The following GRM7 variants were observed in gnomAD, a reference collection of about 807,000 sequenced individuals.
The protein encoded by GRM7 is glutamate metabotropic receptor 7, also known as metabotropic glutamate receptor 7.
In GRM7, 35 loss-of-function variants were observed where a neutral mutation model predicts 84.5. That is an observed-to-expected ratio of 0.41 (90% CI 0.32 to 0.55). The LOEUF (loss-of-function observed/expected upper bound fraction) is 0.55. Among genes scored for constraint, GRM7 ranks in the 20% least tolerant of loss-of-function variants. The pLI is 0.19. For synonymous variants in GRM7, 487 were observed against 455.1 expected, an observed-to-expected ratio of 1.07 and a Z score of -0.89; for missense variants, 1,003 against 1,194.6, an observed-to-expected ratio of 0.84 and a Z score of 2.36.
At position 7,100,608 on chromosome 3, in the gene GRM7, T is replaced by C. The variant is rs1360608639; in HGVS notation, c.520-45844T>C. 5.3e-5 allele frequency among the ~76,000 whole-genome samples: 8 copies of C among 151,936 alleles called. No individual in the cohort carries two copies. In the South Asian group the frequency reaches 6.2e-4, roughly 12 times the overall value. On this transcript the variant is annotated intron_variant, in intron 1 of 9. Transcript: ENST00000357716. The stretch of plus-strand genomic sequence containing the variant: ...GAGCTTTAAAATTTCAGTTCTGTCA[T>C]TTATTTGGAAATGCGACTTTTCTTA...
At chr3:7,403,705 A>T (rs1695553214) in intron 4 of GRM7, among the ~76,000 whole-genome samples, 1 of 147,030 alleles carries the variant, frequency 6.8e-6, no homozygotes, top group African/African-American at 2.5e-5. Context: ...GTGTATATAT[A>T]CACAAAAGAA....
intron 8 of GRM7, among the ~76,000 whole-genome samples, chr3:7,589,689 T>C (rs183976286): frequency 2.9e-4 from 44 of 152,224 alleles, no homozygotes; most frequent in African/African-American, 7.9e-4. Context: ...ATGAAAGGAA[T>C]CATCATTGGA....
At chr3:7,612,747 G>C (rs1335449619) in intron 8 of GRM7, among the ~76,000 whole-genome samples, 3 of 152,156 alleles carry the variant, frequency 2.0e-5, no homozygotes, top group Non-Finnish European at 2.9e-5. Flanking sequence ...TTAATATCTG[G>C]GAAGAATTAG....
At chr3:7,564,802 C>T (rs1481424789) in intron 7 of GRM7, among the ~76,000 whole-genome samples, 3 of 152,140 alleles carry the variant, frequency 2.0e-5, no homozygotes, top group African/African-American at 7.2e-5. Context: ...GCCATACTTA[C>T]TAGAGGCGAT....
intron 1 of GRM7, among the ~76,000 whole-genome samples, chr3:6,929,223 C>T (rs530063334): frequency 2.0e-4 from 30 of 152,072 alleles, no homozygotes; most frequent in Non-Finnish European, 2.9e-4. Context: ...GGCAAGAGGG[C>T]GCATATTCAT....
chr3:7,322,660 T>A (rs1013128126), intron 4 of GRM7, among the ~76,000 whole-genome samples: 1 of 151,854 alleles, frequency 6.6e-6, no homozygotes, highest in African/African-American at 2.4e-5. Flanking sequence ...ATGATATTTG[T>A]TTTTCCATTC....
intron 1 of GRM7, among the ~76,000 whole-genome samples, chr3:6,917,494 C>CTTT (rs35883512): frequency 3.0e-4 from 38 of 126,354 alleles, no homozygotes; most frequent in Middle Eastern, 4.1e-3. Context: ...TTGTTAATTG[C>CTTT]TTTTTTTTTT....
chr3:7,444,084 T>C (rs1403621241), intron 5 of GRM7, among the ~76,000 whole-genome samples: 1 of 152,178 alleles, frequency 6.6e-6, no homozygotes, highest in African/African-American at 2.4e-5. Context: ...TTAGCAACGA[T>C]TGATGGTAAT....
chr3:7,017,358 T>A (rs1359661657), intron 1 of GRM7, among the ~76,000 whole-genome samples: 1 of 152,178 alleles, frequency 6.6e-6, no homozygotes, highest in Non-Finnish European at 1.5e-5. Context: ...ACAAAGAGGT[T>A]TGGGAAAATT....
intron 5 of GRM7, among the ~76,000 whole-genome samples, chr3:7,452,250 T>C (rs772276735): frequency 2.8e-5 from 4 of 144,304 alleles, no homozygotes; most frequent in Non-Finnish European, 6.0e-5. Context: ...GTTTGTTTTC[T>C]GTCATTATCC....
At chr3:7,548,279 C>T (rs1220870754) in intron 7 of GRM7, among the ~76,000 whole-genome samples, 2 of 152,148 alleles carry the variant, frequency 1.3e-5, no homozygotes, top group African/African-American at 4.8e-5. Flanking sequence ...CTGGCACCTC[C>T]TAAGTCTCTC....
chr3:7,415,149 A>T lies in GRM7; in HGVS notation c.1160A>T (p.Asp387Val). 1.9e-6 allele frequency: 3 copies of T among 1,613,114 alleles called. No homozygotes were observed. The highest frequency in any genetic ancestry group is 2.5e-6 in the Non-Finnish European group (3 of 1,179,182). ...TISGSKKEDT[D>V]RKCTGQERIG... ...AGTGGGTCAAAAAAAGAAGACACAG[A>T]TCGCAAATGCACAGGTAATTTAATT... Residue 387 changes from aspartate (D) to valine (V), a missense_variant, in exon 5 of 10, where the codon GAT becomes GTT. This residue lies in a region of GRM7 where 910 missense variants were observed against 1,126.0 expected (regional missense o/e 0.81). Transcript: ENST00000357716.
chr3:7,364,446 C>T (rs191332178), intron 4 of GRM7, among the ~76,000 whole-genome samples: 6 of 151,782 alleles, frequency 4.0e-5, no homozygotes, highest in Admixed American at 1.3e-4. Context: ...CTCTGATCTT[C>T]TAGTGGTGAG....
At chr3:7,697,447 C>T (rs570216313) in intron 9 of GRM7, among the ~76,000 whole-genome samples, 8 of 152,180 alleles carry the variant, frequency 5.3e-5, no homozygotes, top group East Asian at 1.9e-4. Flanking sequence ...TTTTAGAACC[C>T]GTTCTGATCC....
At chr3:7,341,944 A>G (rs764724124) in intron 4 of GRM7, among the ~76,000 whole-genome samples, 4 of 152,178 alleles carry the variant, frequency 2.6e-5, no homozygotes, top group Non-Finnish European at 5.9e-5. Flanking sequence ...CTATACCCAT[A>G]GAATACAAAG....
intron 1 of GRM7, among the ~76,000 whole-genome samples, chr3:6,927,616 T>A (rs892863198): frequency 3.9e-5 from 6 of 152,138 alleles, no homozygotes; most frequent in African/African-American, 1.4e-4. Context: ...ATAAATATCA[T>A]CATTGCTATT....
intron 1 of GRM7, among the ~76,000 whole-genome samples, chr3:7,116,725 G>A (rs1460849610): frequency 6.6e-6 from 1 of 152,040 alleles, no homozygotes; most frequent in Non-Finnish European, 1.5e-5. Context: ...CTTTTTAGAT[G>A]TTGCTCTATT....
intron 4 of GRM7, among the ~76,000 whole-genome samples, chr3:7,339,849 A>G (rs1017794379): frequency 7.2e-5 from 11 of 152,148 alleles, no homozygotes; most frequent in African/African-American, 2.7e-4. Context: ...TCTACCAAGT[A>G]TGAAAGGATT....
intron 7 of GRM7, among the ~76,000 whole-genome samples, chr3:7,498,523 G>A (rs1699779809): frequency 2.0e-5 from 3 of 152,124 alleles, no homozygotes; most frequent in African/African-American, 7.2e-5. Context: ...GAGCTCTGAG[G>A]CCAGATTCCC....
Sources: allele counts gnomAD v4.1 joint callset (sites outside exome capture counted in the v4.1 genomes callset), GRCh38; gene constraint gnomAD v4.1.1; regional missense constraint gnomAD v4.1.1; transcripts MANE v1.5; gene names NCBI Gene and HGNC (gene_info 2026-07-23, HGNC 2026-07-21).